The following DDX1 variants were observed in gnomAD, a reference collection of about 807,000 sequenced individuals.
DDX1 encodes the protein DEAD-box helicase 1, also known as ATP-dependent RNA helicase DDX1.
A neutral mutation model predicts 108.7 loss-of-function variants in DDX1; 28 were observed. The observed-to-expected ratio is 0.26, with a 90% confidence interval of 0.19 to 0.35. The LOEUF is 0.35. Ranked by LOEUF, DDX1 falls within the 10% of genes least tolerant of loss-of-function variation. DDX1 has a pLI of 1.00. For synonymous variants in DDX1, 295 were observed against 288.9 expected (o/e 1.02, Z -0.21); for missense variants, 710 against 884.5 (o/e 0.80, Z 2.50).
At chr2:15,598,210 A>G (rs888813074) in intron 5 of DDX1, among the ~76,000 whole-genome samples, 1 of 152,322 alleles carries the variant, frequency 6.6e-6, no homozygotes, top group South Asian at 2.1e-4. Context: ...TGAACCTGTC[A>G]TATTAACATA....
chr2:15,617,160 A>T, intron 14 of DDX1, 84 bp from the exon 15 acceptor site: 2 of 592,236 alleles, frequency 3.4e-6, no homozygotes, highest in Non-Finnish European at 5.8e-6. Flanking sequence ...TGTTTTTATT[A>T]AAAAGACAGT....
At chr2:15,618,321 A>T in intron 16 of DDX1, 51 bp downstream of exon 16, 1 of 952,462 alleles carries the variant, frequency 1.0e-6, no homozygotes, top group Non-Finnish European at 1.7e-6. Context: ...ATTGTTATGT[A>T]TAATGTTACG....
chr2:15,615,643 A>G (rs143880251), intron 14 of DDX1, among the ~76,000 whole-genome samples: 1 of 152,354 alleles, frequency 6.6e-6, no homozygotes, highest in Non-Finnish European at 1.5e-5. Flanking sequence ...GATCAAGTTA[A>G]AAGTTCTGTT....
At chr2:15,624,130 A>G (rs1323521934) in intron 19 of DDX1, among the ~76,000 whole-genome samples, 2 of 152,196 alleles carry the variant, frequency 1.3e-5, no homozygotes, top group Non-Finnish European at 2.9e-5. Flanking sequence ...CGCTGTTTAC[A>G]TGGAGCATAC....
chr2:15,608,209 A>G (rs1665696557), intron 13 of DDX1, among the ~76,000 whole-genome samples: 1 of 152,186 alleles, frequency 6.6e-6, no homozygotes, highest in Non-Finnish European at 1.5e-5. Context: ...TGAAACATTC[A>G]CACACCATAA....
intron 18 of DDX1, among the ~76,000 whole-genome samples, chr2:15,622,319 T>A (rs1666027709): frequency 6.6e-6 from 1 of 152,246 alleles, no homozygotes; most frequent in Admixed American, 6.5e-5. Context: ...TAAATATTTA[T>A]CAATTTTTAA....
intron 18 of DDX1, among the ~76,000 whole-genome samples, chr2:15,621,931 G>A (rs1376859551): frequency 6.6e-6 from 1 of 152,194 alleles, no homozygotes; most frequent in South Asian, 2.1e-4. Context: ...TGGGATTATA[G>A]GCGTGAGCCA....
At position 15,591,927 on chromosome 2, in the gene DDX1, G is replaced by C. The variant is rs374574854; in HGVS notation, c.-7G>C. On this transcript the variant is annotated 5_prime_UTR_variant, in exon 1 of 26. Transcript: ENST00000233084. ...GAGCAGGCGAAGCCGCGGAGGACGG[G>C]GTGAAGATGGCGGCCTTCTCCGGTG... 4 of 1,449,282 alleles carry C rather than the reference G, an allele frequency of 2.8e-6. No individual in the cohort carries two copies. The African/African-American group carries it at 6.0e-5, about 22-fold the overall frequency. 89.8% of individuals were successfully genotyped at this position (1,449,282 alleles called of 1,614,324 possible).
chr2:15,626,998 C>A, intron 19 of DDX1, 56 bp from the exon 20 acceptor site: 1 of 1,146,796 alleles, frequency 8.7e-7, no homozygotes, highest in Non-Finnish European at 1.3e-6. Context: ...GGCTTTTTTA[C>A]ATAGTCTTAG....
intron 12 of DDX1, 118 bp downstream of exon 12, chr2:15,606,382 A>G (rs907738912): frequency 3.8e-5 from 25 of 658,838 alleles, no homozygotes; most frequent in Middle Eastern, 2.6e-4. Flanking sequence ...TTAGTCACAC[A>G]TCTTTTTTTA....
At chr2:15,618,846 GT>G (rs1665943163) in intron 16 of DDX1, among the ~76,000 whole-genome samples, 1 of 152,264 alleles carries the variant, frequency 6.6e-6, no homozygotes, top group South Asian at 2.1e-4. Flanking sequence ...GTGGGTTGGT[GT>G]ATCAATGCTA....
At chr2:15,619,625 G>A (rs993258201) in intron 16 of DDX1, among the ~76,000 whole-genome samples, 1 of 152,190 alleles carries the variant, frequency 6.6e-6, no homozygotes, top group Non-Finnish European at 1.5e-5. Flanking sequence ...TATGTAAAAT[G>A]TTTGCTTTAC....
At chr2:15,602,393 G>T (rs866735317) in intron 6 of DDX1, among the ~76,000 whole-genome samples, 155 bp from the exon 7 acceptor site, 1 of 152,188 alleles carries the variant, frequency 6.6e-6, no homozygotes, top group African/African-American at 2.4e-5. Flanking sequence ...TATCACTCAG[G>T]AATCAGTAAG....
chr2:15,596,823 C>T (rs1665507853), intron 4 of DDX1, 60 bp downstream of exon 4: 3 of 1,319,546 alleles, frequency 2.3e-6, no homozygotes, highest in Non-Finnish European at 3.2e-6. Context: ...TAACTTTGAA[C>T]AGTAGTTTTT....
rs554661297 is a variant in DDX1, at chr2:15,607,408, G to T, written c.956+95G>T. ...TAGAGAAAAATGAAGTAGAAATTCAGTGTGTATACATAATACACGTGTGTG... is the reference window on the plus strand; with the variant it reads ...TAGAGAAAAATGAAGTAGAAATTCATTGTGTATACATAATACACGTGTGTG... On this transcript the variant is annotated intron_variant, in intron 13 of 25. Transcript: ENST00000233084. 2.1e-5 allele frequency: 24 copies of T among 1,120,238 alleles called. No homozygotes were observed. In the South Asian group the frequency reaches 2.2e-4, roughly 10 times the overall value. The allele number at this position is 1,120,238 out of a possible 1,614,324, so 69.4% of individuals were successfully genotyped here.
intron 13 of DDX1, among the ~76,000 whole-genome samples, chr2:15,608,354 C>G (rs1465012223): frequency 6.6e-6 from 1 of 152,076 alleles, no homozygotes; most frequent in South Asian, 2.1e-4. Flanking sequence ...ACGGTGAAAC[C>G]CCATCTCTAC....
chr2:15,611,251 C>T (rs1051809105), intron 13 of DDX1, among the ~76,000 whole-genome samples: 7 of 151,584 alleles, frequency 4.6e-5, no homozygotes, highest in South Asian at 2.1e-4. Flanking sequence ...TTTCTTAGTA[C>T]AGAACAAAAT....
intron 13 of DDX1, among the ~76,000 whole-genome samples, chr2:15,608,628 A>AT (rs2148741613): frequency 7.4e-6 from 1 of 135,304 alleles, no homozygotes; most frequent in African/African-American, 2.8e-5. Flanking sequence ...AGCTTTGAAT[A>AT]TTTTGACATC....
At chr2:15,612,416 G>A (rs1355816172) in intron 13 of DDX1, among the ~76,000 whole-genome samples, 2 of 151,872 alleles carry the variant, frequency 1.3e-5, no homozygotes, top group Admixed American at 1.3e-4. Context: ...GATGGCGGCC[G>A]GGAAGAGGCG....
Sources: allele counts gnomAD v4.1 joint callset (sites outside exome capture counted in the v4.1 genomes callset), GRCh38; gene constraint gnomAD v4.1.1; transcripts MANE v1.5; gene names NCBI Gene and HGNC (gene_info 2026-07-23, HGNC 2026-07-21).